Variants in SSTR3 observed in about 807,000 individuals in gnomAD.
The protein encoded by SSTR3 is somatostatin receptor type 3.
For missense variants in SSTR3, 504 were observed against 604.7 expected, an observed-to-expected ratio of 0.83 and a Z score of 1.75; for synonymous variants, 281 against 269.2, an observed-to-expected ratio of 1.04 and a Z score of -0.43.
chr22:37,213,929 G>A (rs572530575), upstream of SSTR3, among the ~76,000 whole-genome samples: 3 of 152,326 alleles, frequency 2.0e-5, no homozygotes, highest in African/African-American at 7.2e-5. Context: ...GGGGTATAGG[G>A]GCTGAAGACT....
At chr22:37,208,393 G>A (rs1172040022) in intron 1 of SSTR3, among the ~76,000 whole-genome samples, 1 of 152,218 alleles carries the variant, frequency 6.6e-6, no homozygotes, top group Non-Finnish European at 1.5e-5. Flanking sequence ...CCACAGGCTT[G>A]GGGTGTCCCC....
At chr22:37,208,459 CCCCTCCCAAAGG>C (rs760630610) in intron 1 of SSTR3, among the ~76,000 whole-genome samples, 3 of 152,180 alleles carry the variant, frequency 2.0e-5, no homozygotes, top group Non-Finnish European at 2.9e-5. Flanking sequence ...TCCCACTGTG[CCCCTCCCAAAGG>C]CCCTGCCCAG....
At chr22:37,207,941 C>T (rs1925953525) in intron 1 of SSTR3, 102 bp from the exon 2 acceptor site, 1 of 1,349,196 alleles carries the variant, frequency 7.4e-7, no homozygotes, top group African/African-American at 1.5e-5. Flanking sequence ...CGCCCATCCT[C>T]CCATCGTCTG....
upstream of SSTR3, among the ~76,000 whole-genome samples, chr22:37,213,586 G>A (rs1051554737): frequency 1.3e-5 from 2 of 152,196 alleles, no homozygotes; most frequent in African/African-American, 4.8e-5. Flanking sequence ...GTCTCTTAAC[G>A]CTGCCCGTCC....
In SSTR3 at chr22:37,212,228, A is replaced by G; in HGVS notation, c.-440T>C. 1 of 681,244 alleles carries G rather than the reference A, an allele frequency of 1.5e-6. No homozygotes were observed. The highest frequency in any genetic ancestry group is 1.8e-6 in the Non-Finnish European group (1 of 553,286). The allele number at this position is 681,244 out of a possible 1,614,324, so 42.2% of individuals were successfully genotyped here. A position where few individuals can be genotyped will look rare whatever the true frequency, so the allele number is the denominator to read the frequency against. Reference sequence around the variant, plus strand: ...TGGAGAAAGAGAGAGAGAGAGAAAGAGGGAGGGGGAGAGAGAGAGAGGGAG... The same window carrying G: ...TGGAGAAAGAGAGAGAGAGAGAAAGGGGGAGGGGGAGAGAGAGAGAGGGAG... On this transcript the variant is annotated 5_prime_UTR_variant, in exon 1 of 2. Coordinates refer to ENST00000610913, the MANE Select transcript of SSTR3 (RefSeq NM_001051.5).
In SSTR3 at chr22:37,205,568, C is replaced by T. The variant is rs1170887733; in HGVS notation, c.*979G>A. The T allele has an allele frequency of 6.6e-6, 1 of 152,338 alleles. No individual in the cohort carries two copies. Among genetic ancestry groups the T allele is most frequent in the African/African-American group, 2.4e-5 (1 of 41,434 alleles). The allele number at this position is 152,338 out of a possible 1,614,324, so 9.4% of individuals were successfully genotyped here. ...TCATGGGCTGGGTCCCTGTCTCGGT[C>T]TCCAGGAAGGGAGAATATGGGTCAC... is the stretch of plus-strand genomic sequence containing the variant. On this transcript the variant is annotated 3_prime_UTR_variant, in exon 2 of 2. Transcript: ENST00000610913.
chr22:37,216,487 T>C (rs1028099042), upstream of SSTR3, among the ~76,000 whole-genome samples: 9 of 152,266 alleles, frequency 5.9e-5, no homozygotes, highest in Non-Finnish European at 1.2e-4. Context: ...CTTCGTTTTT[T>C]GGTTTTTAAA....
chr22:37,215,698 G>T, upstream of SSTR3: 1 of 248,738 alleles, frequency 4.0e-6, no homozygotes, highest in South Asian at 5.1e-5. Flanking sequence ...TCACAACCTT[G>T]ATACAACATG....
chr22:37,216,179 C>T (rs577742188), upstream of SSTR3, among the ~76,000 whole-genome samples: 1 of 150,566 alleles, frequency 6.6e-6, no homozygotes, highest in South Asian at 2.1e-4. Flanking sequence ...AAACAGCAGT[C>T]CTCCCCCATC....
chr22:37,209,351 C>G (rs897095131), intron 1 of SSTR3, among the ~76,000 whole-genome samples: 2 of 152,200 alleles, frequency 1.3e-5, no homozygotes, highest in Admixed American at 6.5e-5. Flanking sequence ...CAAGGAACCC[C>G]TAGGCCGTGG....
At position 37,207,036 on chromosome 22, in the gene SSTR3, C is replaced by T. The variant is rs775912597; in HGVS notation, c.768G>A (p.Thr256=). The T allele has an allele frequency of 9.9e-6, 16 of 1,612,864 alleles. No homozygotes were observed. In the South Asian group the frequency reaches 1.2e-4, roughly 12 times the overall value. The change falls in exon 2 of 2, where the codon ACG becomes ACA. Residue 256 remains threonine (T), a synonymous_variant. Transcript: ENST00000610913. The part of the protein sequence containing the change: ...QRRRRSERRV[T]RMVVAVVALF... ...GCGCCACCACGGCCACCACCATGCG[C>T]GTGACCCTGCGTTCGGAGCGCCGCC...
intron 1 of SSTR3, 130 bp downstream of exon 1, chr22:37,211,695 T>A (rs1048039619): frequency 2.1e-6 from 2 of 941,270 alleles, no homozygotes; most frequent in Non-Finnish European, 1.3e-6. Flanking sequence ...CAGGAAGGCC[T>A]CCCTCCTGCC....
Position 37,206,981 on chromosome 22 carries a change from C to T in SSTR3, c.823G>A (p.Val275Met), listed in dbSNP as rs376429760. The change falls in exon 2 of 2, where the codon GTG becomes ATG. Residue 275 changes from valine (V) to methionine (M), a missense_variant. Physicochemically the swap from Val to Met is conservative, Grantham distance 21. Coordinates refer to ENST00000610913, the MANE Select transcript of SSTR3 (RefSeq NM_001051.5). ...CACACCACGTTGACGATGTTGAGCA[C>T]GTAGAAGGGCATCCAGCAGAGCACG... ...LFVLCWMPFYVLNIVNVVCPL... is the reference protein window; with the variant it reads ...LFVLCWMPFYMLNIVNVVCPL... 6.6e-5 allele frequency: 107 copies of T among 1,612,222 alleles called. No homozygotes were observed. The highest frequency in any genetic ancestry group is 1.1e-4 in the African/African-American group (8 of 74,918).
Position 37,205,122 on chromosome 22 carries a change from G to A in SSTR3, c.*1425C>T, listed in dbSNP as rs1925643358. ...TGTAGTCTCCAGGATGATAGAGCAT[G>A]GGGAGGGAGCTCCCCAGTCCTCCCA... On this transcript the variant is annotated 3_prime_UTR_variant, in exon 2 of 2. Transcript: ENST00000610913. 6.6e-6 allele frequency: 1 copy of A among 152,372 alleles called. No individual in the cohort carries two copies. The highest frequency in any genetic ancestry group is 1.5e-5 in the Non-Finnish European group (1 of 68,174). The allele number at this position is 152,372 out of a possible 1,614,324, so 9.4% of individuals were successfully genotyped here.
At position 37,205,489 on chromosome 22, in the gene SSTR3, C is replaced by G. The variant is rs1350538604; in HGVS notation, c.*1058G>C. ...TCCTTCCTCTTCCTCTTCTCCCTTC[C>G]TCTTCCTTCTCCTCACAGCGCTCTT... On this transcript the variant is annotated 3_prime_UTR_variant, in exon 2 of 2. Coordinates refer to ENST00000610913, the MANE Select transcript of SSTR3 (RefSeq NM_001051.5). 1 of 153,750 alleles carries G rather than the reference C, an allele frequency of 6.5e-6. No individual in the cohort carries two copies. The highest frequency in any genetic ancestry group is 2.4e-5 in the African/African-American group (1 of 41,436). 9.5% of individuals were successfully genotyped at this position (153,750 alleles called of 1,614,324 possible).
upstream of SSTR3, among the ~76,000 whole-genome samples, chr22:37,216,597 C>T (rs1926457254): frequency 1.3e-5 from 2 of 152,242 alleles, no homozygotes; most frequent in African/African-American, 4.8e-5. Flanking sequence ...GGGACGATTT[C>T]GTCCTGGAGA....
chr22:37,217,436 C>T (rs543541793), upstream of SSTR3, among the ~76,000 whole-genome samples: 1 of 152,156 alleles, frequency 6.6e-6, no homozygotes, highest in South Asian at 2.1e-4. Flanking sequence ...CACCAAGTAG[C>T]CTTTTAATCT....
intron 1 of SSTR3, among the ~76,000 whole-genome samples, chr22:37,211,398 G>C (rs767778685): frequency 6.6e-6 from 1 of 152,138 alleles, no homozygotes; most frequent in African/African-American, 2.4e-5. Context: ...GTGTGACCTC[G>C]GGCAAGTCAC....
rs981852445 is a variant in SSTR3 at position 37,211,904 on chromosome 22, A to G, written c.-116T>C. ...TGTCCCCTCTCCCTGCCCAGTCCCC[A>G]GGTGCCCCCAGGGCACTCCTAACTA... is the stretch of plus-strand genomic sequence containing the variant. On this transcript the variant is annotated 5_prime_UTR_variant, in exon 1 of 2. Coordinates refer to ENST00000610913, the MANE Select transcript of SSTR3 (RefSeq NM_001051.5). 1 of 985,720 alleles carries G rather than the reference A, an allele frequency of 1.0e-6. No homozygotes were observed. The highest frequency in any genetic ancestry group is 1.2e-6 in the Non-Finnish European group (1 of 830,154). 61.1% of individuals were successfully genotyped at this position (985,720 alleles called of 1,614,324 possible).
Sources: gnomAD v4.1 joint callset for allele counts (sites outside exome capture counted in the v4.1 genomes callset) on GRCh38, gnomAD v4.1.1 for gene constraint, MANE v1.5 for transcripts, NCBI Gene and HGNC (gene_info 2026-07-23, HGNC 2026-07-21) for gene names.